Variants in HIRIP3 observed in about 807,000 individuals in gnomAD.
HIRIP3 encodes the protein HIRA-interacting protein 3.
In HIRIP3, 40 loss-of-function variants were observed where a neutral mutation model predicts 50.3. The observed-to-expected ratio is 0.79, with a 90% CI of 0.62 to 1.03. The LOEUF (loss-of-function observed/expected upper bound fraction) is 1.03, where lower values mean the gene tolerates loss of function less well. Among genes scored for constraint, HIRIP3 ranks in the 50% least tolerant of loss-of-function variants. The pLI, the probability that HIRIP3 is intolerant of heterozygous loss-of-function variation, is 0.00. For missense variants in HIRIP3, 765 were observed against 705.4 expected (o/e 1.08, Z -0.96); for synonymous variants, 318 against 261.6 (o/e 1.22, Z -2.08).
rs1333665966 is a variant in HIRIP3, at chr16:29,992,413, G to A, written c.*794C>T. On this transcript the variant is annotated 3_prime_UTR_variant, in exon 7 of 7. Coordinates refer to ENST00000279392, the MANE Select transcript of HIRIP3 (RefSeq NM_003609.5). ...TGACTTTAGGTGTGACCAGATCTCG[G>A]ATCTCAAAGGTGGTCTTCAACCCCT... 2 of 151,590 alleles carry A rather than the reference G, an allele frequency of 1.3e-5. No homozygotes were observed. Among genetic ancestry groups the A allele is most frequent in the African/African-American group, 4.9e-5 (2 of 41,094 alleles). 9.4% of individuals were successfully genotyped at this position (151,590 alleles called of 1,614,324 possible).
At chr16:29,993,414 C>CA in intron 6 of HIRIP3, 44 bp from the exon 7 acceptor site, 1 of 1,587,436 alleles carries the variant, frequency 6.3e-7, no homozygotes, top group Non-Finnish European at 8.6e-7. Flanking sequence ...TGAGAAGGTC[C>CA]AACCCCACCT....
In HIRIP3 at chr16:29,993,155, G is replaced by A. The variant is rs1195726492; in HGVS notation, c.*52C>T. ...GTTCCACAGACACAGGGCAAGGGGT[G>A]CTATGTATGCTTTGTACATGTATCA... is the stretch of plus-strand genomic sequence containing the variant. On this transcript the variant is annotated 3_prime_UTR_variant, in exon 7 of 7. Coordinates refer to ENST00000279392, the MANE Select transcript of HIRIP3 (RefSeq NM_003609.5). 2.0e-6 allele frequency: 3 copies of A among 1,497,438 alleles called. No individual in the cohort carries two copies. The African/African-American group carries it at 4.2e-5, about 21-fold the overall frequency. The allele number at this position is 1,497,438 out of a possible 1,614,324, so 92.8% of individuals were successfully genotyped here.
intron 1 of HIRIP3, 30 bp from the exon 2 acceptor site, chr16:29,995,493 C>A: frequency 6.2e-7 from 1 of 1,613,642 alleles, no homozygotes; most frequent in Non-Finnish European, 8.5e-7. Context: ...GGACGGAGTC[C>A]CGACCCACCC....
Position 29,994,761 on chromosome 16 carries a change from T to A in HIRIP3, c.384A>T (p.Lys128Asn). ...NGVAAEVSPA[K>N]EENPRRASKA... ...TTGAGGCTCGCCTTGGATTCTCCTC[T>A]TTGGCTGGGCTGACTTCTGCTGCCA... Residue 128 changes from lysine (K) to asparagine (N), a missense_variant, in exon 4 of 7, where the codon AAA (lysine) becomes AAT (asparagine). Physicochemically the swap from Lys to Asn is moderately conservative, Grantham distance 94 (BLOSUM62 0). Transcript: ENST00000279392. 6.2e-7 allele frequency: 1 copy of A among 1,614,210 alleles called. No homozygotes were observed. The highest frequency in any genetic ancestry group is 1.1e-5 in the South Asian group (1 of 91,086).
chr16:29,995,765 G>A, upstream of HIRIP3: 2 of 822,814 alleles, frequency 2.4e-6, no homozygotes, highest in South Asian at 1.7e-5. Flanking sequence ...TTTGCCAGAC[G>A]AGACTTGTTT....
rs1410377473 is a variant in HIRIP3, at chr16:29,993,397, A to C, written c.1508-27T>G. ...TAGGGGAAAGGGGAAACGAGAGATC[A>C]GATGTCTGAGAAGGTCCAACCCCAC... On this transcript the variant is annotated intron_variant, in intron 6 of 6. Coordinates refer to ENST00000279392, the MANE Select transcript of HIRIP3 (RefSeq NM_003609.5). The C allele has an allele frequency of 7.6e-6, 12 of 1,573,446 alleles. 1 individual carries two copies. Among genetic ancestry groups the C allele is most frequent in the South Asian group, 3.5e-5 (3 of 86,424 alleles).
chr16:29,992,328 G>A (rs1193133227), downstream of HIRIP3: 2 of 152,106 alleles, frequency 1.3e-5, no homozygotes, highest in Non-Finnish European at 2.9e-5. Flanking sequence ...GAATAGTACT[G>A]CTTGTGTTTT....
Position 29,993,637 on chromosome 16 carries a change from C to T in HIRIP3, c.1408+3G>A, listed in dbSNP as rs1419888943. The T allele has an allele frequency of 6.2e-7, 1 of 1,612,264 alleles. No individual in the cohort carries two copies. Among genetic ancestry groups the T allele is most frequent in the African/African-American group, 1.3e-5 (1 of 74,920 alleles). ...GCAGCCCCCAGGGCACGCCGGGCCT[C>T]ACCCTTCATGCCTAGCGCTTCCAGT... is the stretch of plus-strand genomic sequence containing the variant. On this transcript the variant is annotated splice_donor_region_variant and intron_variant, in intron 5 of 6. Transcript: ENST00000279392.
At chr16:29,995,894 G>A, upstream of HIRIP3, 1 of 576,772 alleles carries the variant, frequency 1.7e-6, no homozygotes, top group South Asian at 2.1e-5. Context: ...TAATCAGCCC[G>A]CGACGCTGCC....
In HIRIP3 at chr16:29,994,264, T is replaced by A; in HGVS notation, c.881A>T (p.Glu294Val). The A allele has an allele frequency of 6.2e-7, 1 of 1,614,198 alleles. No individual in the cohort carries two copies. Among genetic ancestry groups the A allele is most frequent in the South Asian group, 1.1e-5 (1 of 91,080 alleles). Residue 294 changes from glutamate (E) to valine (V), a missense_variant, in exon 4 of 7, where the codon GAG (glutamate) becomes GTG (valine). Transcript: ENST00000279392. ...RLLGDSDSEE[E>V]QKEAASSGDD... Reference sequence around the variant, plus strand: ...CCCACTGCTGGCTGCCTCTTTCTGCTCTTCCTCGCTGTCTGAGTCTCCCAA... The same window carrying A: ...CCCACTGCTGGCTGCCTCTTTCTGCACTTCCTCGCTGTCTGAGTCTCCCAA...
chr16:29,992,958 C>A lies in HIRIP3; in HGVS notation c.*249G>T. On this transcript the variant is annotated 3_prime_UTR_variant, in exon 7 of 7. Coordinates refer to ENST00000279392, the MANE Select transcript of HIRIP3 (RefSeq NM_003609.5). ...GTGACTACTGCTCAGTTTCCTGGCCCAAAATACAGGAGGTGAGAATGGGGG... is the reference window on the plus strand; with the variant it reads ...GTGACTACTGCTCAGTTTCCTGGCCAAAAATACAGGAGGTGAGAATGGGGG... The A allele has an allele frequency of 2.8e-6, 1 of 353,642 alleles. No homozygotes were observed. The highest frequency in any genetic ancestry group is 5.1e-6 in the Non-Finnish European group (1 of 197,228). The allele number at this position is 353,642 out of a possible 1,614,324, so 21.9% of individuals were successfully genotyped here. A position where few individuals can be genotyped will look rare whatever the true frequency, so the allele number is the denominator to read the frequency against.
rs2070041403 is a variant in HIRIP3, at chr16:29,994,489, C to T, written c.656G>A (p.Ser219Asn). 1.9e-6 allele frequency: 3 copies of T among 1,614,024 alleles called. No homozygotes were observed. Among genetic ancestry groups the T allele is most frequent in the South Asian group, 1.1e-5 (1 of 91,082 alleles). ...ACTCTCCTGTTCACTTTCCTTCAGG[C>T]TTTTAGTTCCTTTATTTCCCTCCAC... is the stretch of plus-strand genomic sequence containing the variant. ...KKVEGNKGTK[S>N]LKESEQESEE... Residue 219 changes from serine to asparagine, a missense_variant, in exon 4 of 7, where the codon AGC becomes AAC. Physicochemically the swap from Ser to Asn is conservative, Grantham distance 46. Transcript: ENST00000279392.
At position 29,995,428 on chromosome 16, in the gene HIRIP3, A is replaced by G; in HGVS notation, c.101T>C (p.Leu34Ser). ...CAGGTGGCTGCGGCCCGAGTGAGCT[A>G]AGTACCTCCGCCGCACGATGGAATG... Reference protein sequence around the residue: ...LTHSIVRRRYLAHSGRSHLEP... With the variant: ...LTHSIVRRRYSAHSGRSHLEP... The change falls in exon 2 of 7, where the codon TTA (leucine) becomes TCA (serine). Residue 34 changes from leucine (L) to serine (S), a missense_variant. Coordinates refer to ENST00000279392, the MANE Select transcript of HIRIP3 (RefSeq NM_003609.5). 3.1e-6 allele frequency: 5 copies of G among 1,613,808 alleles called. No individual in the cohort carries two copies. Among genetic ancestry groups the G allele is most frequent in the Non-Finnish European group, 4.2e-6 (5 of 1,179,900 alleles).
chr16:29,992,334 G>A lies in HIRIP3; in HGVS notation c.*873C>T, dbSNP rs1031023238. 2 of 152,158 alleles carry A rather than the reference G, an allele frequency of 1.3e-5. No homozygotes were observed. Among genetic ancestry groups the A allele is most frequent in the Non-Finnish European group, 2.9e-5 (2 of 68,034 alleles). The allele number at this position is 152,158 out of a possible 1,614,324, so 9.4% of individuals were successfully genotyped here. On this transcript the variant is annotated 3_prime_UTR_variant, in exon 7 of 7. Transcript: ENST00000279392. ...GTGGCCACTGAATAGTACTGCTTGTGTTTTATAAAGAGAATTTATTGGGCT... is the reference window on the plus strand; with the variant it reads ...GTGGCCACTGAATAGTACTGCTTGTATTTTATAAAGAGAATTTATTGGGCT...
At chr16:29,996,086 G>A, upstream of HIRIP3, 1 of 603,040 alleles carries the variant, frequency 1.7e-6, no homozygotes, top group South Asian at 2.0e-5. Context: ...GCGTCACCGC[G>A]TCGCTGCTAC....
chr16:29,995,727 T>A (rs776986383), upstream of HIRIP3: 2 of 1,288,214 alleles, frequency 1.6e-6, no homozygotes, highest in South Asian at 2.7e-5. Flanking sequence ...CCGTTGGCCC[T>A]TGGCCGCGGA....
At chr16:29,996,092 G>A (rs2070096036), upstream of HIRIP3, 3 of 607,876 alleles carry the variant, frequency 4.9e-6, no homozygotes, top group African/African-American at 1.9e-5. Context: ...CCGCGTCGCT[G>A]CTACGCCATC....
At position 29,993,479 on chromosome 16, in the gene HIRIP3, G is replaced by A. The variant is rs35431046; in HGVS notation, c.1487C>T (p.Ala496Val). 5,488 of 1,613,338 alleles carry A rather than the reference G, an allele frequency of 3.4e-3. 173 individuals carry two copies. The African/African-American group carries it at 0.065, about 19-fold the overall frequency. ...EAAEVASLDVANIISGSGRPR... is the reference protein window; with the variant it reads ...EAAEVASLDVVNIISGSGRPR... ...CTTACCCGAGCCACTGATGATGTTC[G>A]CAACATCCAAGGAGGCCACCTCAGC... is the stretch of plus-strand genomic sequence containing the variant. Residue 496 changes from alanine to valine, a missense_variant, in exon 6 of 7, where the codon GCG becomes GTG. Ala to Val is a moderately conservative substitution (Grantham distance 64). Coordinates refer to ENST00000279392, the MANE Select transcript of HIRIP3 (RefSeq NM_003609.5).
upstream of HIRIP3, chr16:29,995,980 A>T (rs2070092044): frequency 1.8e-6 from 1 of 566,532 alleles, no homozygotes; most frequent in Non-Finnish European, 3.2e-6. Flanking sequence ...CCTCGCGAGC[A>T]GATGAGGAAC....
Sources: gnomAD v4.1 joint callset for allele counts on GRCh38, gnomAD v4.1.1 for gene constraint, MANE v1.5 for transcripts, NCBI Gene and HGNC (gene_info 2026-07-23, HGNC 2026-07-21) for gene names.